Variants in ARHGEF37 observed in about 807,000 individuals in gnomAD.
ARHGEF37 encodes the protein Rho guanine nucleotide exchange factor 37, also known as Rho guanine nucleotide exchange factor (GEF) 37.
In ARHGEF37, 55 loss-of-function variants were observed where a neutral mutation model predicts 71.1. The ratio of observed to expected loss-of-function variants is 0.77; its 90% CI spans 0.62 to 0.97. ARHGEF37 has a LOEUF of 0.97. Ranked by LOEUF, ARHGEF37 falls within the 50% of genes least tolerant of loss-of-function variation. The pLI is 0.00. For synonymous variants in ARHGEF37, 327 were observed against 350.6 expected, an observed-to-expected ratio of 0.93 and a Z score of 0.75; for missense variants, 765 against 836.8, an observed-to-expected ratio of 0.91 and a Z score of 1.06.
At chr5:149,601,925 C>T (rs550490975) in intron 3 of ARHGEF37, among the ~76,000 whole-genome samples, 59 of 152,196 alleles carry the variant, frequency 3.9e-4, no homozygotes, top group African/African-American at 1.1e-3. Context: ...AGAAGAGGCA[C>T]GCAAGGACCA....
chr5:149,577,190 T>G (rs11954602), upstream of ARHGEF37, among the ~76,000 whole-genome samples: 1,143 of 152,308 alleles, frequency 7.5e-3, 12 homozygotes, highest in African/African-American at 0.026. Flanking sequence ...ATCTGTAAGA[T>G]GCAAATAATA....
At chr5:149,616,510 C>T in intron 4 of ARHGEF37, 57 bp from the exon 5 acceptor site, 2 of 1,513,830 alleles carry the variant, frequency 1.3e-6, no homozygotes, top group East Asian at 2.3e-5. Context: ...ACAGCCCAGG[C>T]CCCCTGGTCC....
upstream of ARHGEF37, chr5:149,551,681 G>A (rs539002467): frequency 3.3e-5 from 5 of 152,564 alleles, no homozygotes; most frequent in East Asian, 9.6e-4. Context: ...CGGACCCGCC[G>A]GGTCTCTGGA....
chr5:149,554,107 G>T (rs986175435), intron 1 of ARHGEF37, among the ~76,000 whole-genome samples: 4 of 152,178 alleles, frequency 2.6e-5, no homozygotes, highest in African/African-American at 4.8e-5. Context: ...GGTAGAGATT[G>T]CAGTGAGCCG....
chr5:149,585,031 A>G (rs1763195519), intron 1 of ARHGEF37, among the ~76,000 whole-genome samples: 2 of 152,228 alleles, frequency 1.3e-5, no homozygotes, highest in South Asian at 2.1e-4. Flanking sequence ...ATGGGTGGCA[A>G]ATAACCACTT....
At position 149,619,045 on chromosome 5, in the gene ARHGEF37, G is replaced by A. The variant is rs1752460327; in HGVS notation, c.894+3G>A. On this transcript the variant is annotated splice_donor_region_variant and intron_variant, in intron 7 of 12. Transcript: ENST00000333677. ...CTGCTTACCTGGACAATCTGCAGGT[G>A]AGGACACTGCAGGGTTCATAAAGGG... 2 of 1,610,104 alleles carry A rather than the reference G, an allele frequency of 1.2e-6. No individual in the cohort carries two copies. The highest frequency in any genetic ancestry group is 2.7e-5 in the African/African-American group (2 of 74,858).
intron 1 of ARHGEF37, among the ~76,000 whole-genome samples, chr5:149,568,141 C>A (rs1026450479): frequency 4.6e-5 from 7 of 152,040 alleles, no homozygotes; most frequent in Non-Finnish European, 1.0e-4. Context: ...CCACCTCAGG[C>A]TCCTGAGTAG....
chr5:149,565,290 AC>A (rs2113238349), intron 1 of ARHGEF37, among the ~76,000 whole-genome samples: 1 of 152,306 alleles, frequency 6.6e-6, no homozygotes, highest in South Asian at 2.1e-4. Flanking sequence ...CTCCCAGTGG[AC>A]CGATGAGCCA....
intron 1 of ARHGEF37, among the ~76,000 whole-genome samples, chr5:149,552,406 C>A (rs1448313964): frequency 6.6e-6 from 1 of 151,986 alleles, no homozygotes; most frequent in Non-Finnish European, 1.5e-5. Flanking sequence ...TTTTGTTTTA[C>A]AAAATTTGAC....
chr5:149,566,517 A>G (rs1177335378), intron 1 of ARHGEF37, among the ~76,000 whole-genome samples: 1 of 69,816 alleles, frequency 1.4e-5, no homozygotes, highest in African/African-American at 5.7e-5. Flanking sequence ...CCTCCCCCCC[A>G]AAAAAACCAA....
chr5:149,624,501 T>C (rs1336176373), intron 10 of ARHGEF37, among the ~76,000 whole-genome samples: 2 of 152,226 alleles, frequency 1.3e-5, no homozygotes, highest in East Asian at 1.9e-4. Context: ...TGGCCAGGCA[T>C]AGTAGCTCAC....
chr5:149,601,233 T>A lies in ARHGEF37; in HGVS notation c.310+2T>A. On this transcript the variant is annotated splice_donor_variant, in intron 3 of 12. Transcript: ENST00000333677. LOFTEE classifies it high-confidence loss of function. ...AAGAGGAACAAGTGCAGCTAGTTGGTAAGCAAAAAACCTAAGGAGTTGTCA... is the reference window on the plus strand; with the variant it reads ...AAGAGGAACAAGTGCAGCTAGTTGGAAAGCAAAAAACCTAAGGAGTTGTCA... The A allele has an allele frequency of 6.2e-7, 1 of 1,610,200 alleles. No homozygotes were observed. The highest frequency in any genetic ancestry group is 1.1e-5 in the South Asian group (1 of 90,750).
rs183487723 is a variant in ARHGEF37, at chr5:149,613,468, T to G, written c.459-3099T>G. Among the ~76,000 whole-genome samples, 192 of 151,808 alleles carry G rather than the reference T, an allele frequency of 1.3e-3. 1 individual carries two copies. The highest frequency in any genetic ancestry group is 4.4e-3 in the African/African-American group (184 of 41,394). ...TTCAAGCGATTCTCCTTCCTCAGCC[T>G]CCCGAGTAGCTGGGACTACAGGAGT... On this transcript the variant is annotated intron_variant, in intron 4 of 12. Coordinates refer to ENST00000333677, the MANE Select transcript of ARHGEF37 (RefSeq NM_001001669.3).
At chr5:149,582,775 C>A (rs1763138365) in intron 1 of ARHGEF37, among the ~76,000 whole-genome samples, 1 of 150,142 alleles carries the variant, frequency 6.7e-6, no homozygotes, top group African/African-American at 2.5e-5. Flanking sequence ...CTATTATGTA[C>A]ACAGTTTAAA....
At chr5:149,563,007 G>C (rs1454580144) in intron 1 of ARHGEF37, among the ~76,000 whole-genome samples, 1 of 152,156 alleles carries the variant, frequency 6.6e-6, no homozygotes, top group Non-Finnish European at 1.5e-5. Context: ...ATCAGGGTCT[G>C]ACTTCCAGTT....
intron 1 of ARHGEF37, among the ~76,000 whole-genome samples, chr5:149,574,522 C>G (rs1763004555): frequency 6.6e-6 from 1 of 152,150 alleles, no homozygotes; most frequent in Non-Finnish European, 1.5e-5. Context: ...AGTTTTTTGG[C>G]CTTAGCCCTC....
At chr5:149,581,668 C>T (rs1235401625) in intron 1 of ARHGEF37, 44 bp downstream of exon 1, 1 of 152,150 alleles carries the variant, frequency 6.6e-6, no homozygotes, top group Non-Finnish European at 1.5e-5. Flanking sequence ...CAGGATGGGG[C>T]TGGAGAGGGG....
chr5:149,584,364 AAGAG>A (rs34088372), intron 1 of ARHGEF37, among the ~76,000 whole-genome samples: 48,182 of 151,624 alleles, frequency 0.32, 9,520 homozygotes, highest in African/African-American at 0.57. Context: ...TCCTCCAGGA[AAGAG>A]AGAGAGAATG....
At chr5:149,603,223 G>A (rs779562981) in intron 3 of ARHGEF37, among the ~76,000 whole-genome samples, 5 of 152,118 alleles carry the variant, frequency 3.3e-5, no homozygotes, top group African/African-American at 1.2e-4. Flanking sequence ...GTGAGCCACC[G>A]TGCCTGGCCT....
Sources: gnomAD v4.1 joint callset for allele counts (sites outside exome capture counted in the v4.1 genomes callset) on GRCh38, gnomAD v4.1.1 for gene constraint, MANE v1.5 for transcripts, NCBI Gene and HGNC (gene_info 2026-07-23, HGNC 2026-07-21) for gene names.